BRAF: variants seen among roughly 807,000 people sequenced by gnomAD.
The protein encoded by BRAF is serine/threonine-protein kinase B-raf.
In BRAF, 16 loss-of-function variants were observed where a neutral mutation model predicts 104.6. The observed-to-expected ratio is 0.15, with a 90% CI of 0.10 to 0.23. The LOEUF (loss-of-function observed/expected upper bound fraction) is 0.23. BRAF is among the 10% of genes least tolerant of loss of function. BRAF has a pLI of 1.00. For synonymous variants in BRAF, 310 were observed against 341.6 expected (o/e 0.91, Z 1.02); for missense variants, 541 against 937.3 (o/e 0.58, Z 5.52).
intron 2 of BRAF, among the ~76,000 whole-genome samples, chr7:140,849,799 G>A (rs374854388): frequency 6.6e-6 from 1 of 151,538 alleles, no homozygotes; most frequent in African/African-American, 2.4e-5. Context: ...GCGACAGAGC[G>A]AGACTCCGTC....
chr7:140,747,330 A>G, intron 17 of BRAF: 2 of 1,134,470 alleles, frequency 1.8e-6, no homozygotes, highest in Non-Finnish European at 2.3e-6. Flanking sequence ...GGTTCTAACT[A>G]TACTATTAGA....
At chr7:140,867,208 A>T (rs572844570) in intron 1 of BRAF, among the ~76,000 whole-genome samples, 1,836 of 152,244 alleles carry the variant, frequency 0.012, 34 homozygotes, top group African/African-American at 0.041. Context: ...GTTAAAAAAA[A>T]CTTGGCCCAA....
chr7:140,719,657 T>C lies in BRAF; in HGVS notation c.*6837A>G, dbSNP rs1327338209. 1 of 1,061,902 alleles carries C rather than the reference T, an allele frequency of 9.4e-7. No homozygotes were observed. The highest frequency in any genetic ancestry group is 4.6e-5 in the South Asian group (1 of 21,914). The allele number at this position is 1,061,902 out of a possible 1,614,324, so 65.8% of individuals were successfully genotyped here. A position where few individuals can be genotyped will look rare whatever the true frequency, so the allele number is the denominator to read the frequency against. On this transcript the variant is annotated 3_prime_UTR_variant, in exon 20 of 20. Transcript: ENST00000644969. ...AAAAGATTCAAGCAAACATTGAGAATAGGGGAAAAGAGGGAGACATCATCC... is the reference window on the plus strand; with the variant it reads ...AAAAGATTCAAGCAAACATTGAGAACAGGGGAAAAGAGGGAGACATCATCC...
At chr7:140,917,145 C>T (rs1817717037) in intron 1 of BRAF, among the ~76,000 whole-genome samples, 1 of 152,210 alleles carries the variant, frequency 6.6e-6, no homozygotes, top group African/African-American at 2.4e-5. Context: ...ACTACAACCT[C>T]CCTCTCCCGG....
chr7:140,806,972 C>A (rs1383995321), intron 5 of BRAF, among the ~76,000 whole-genome samples: 1 of 152,090 alleles, frequency 6.6e-6, no homozygotes, highest in Non-Finnish European at 1.5e-5. Context: ...AATTATCCAC[C>A]TAGAAAAAAC....
At position 140,781,625 on chromosome 7, in the gene BRAF, T is replaced by C. The variant is rs56216404; in HGVS notation, c.1503A>G (p.Gln501=). 1,206 of 1,614,110 alleles carry C rather than the reference T, an allele frequency of 7.5e-4. 12 individuals are homozygous for C. In the African/African-American group the frequency reaches 0.013, roughly 18 times the overall value. The stretch of plus-strand genomic sequence containing the variant: ...TTCCAAATGATCCAGATCCAATTCT[T>C]TGTCCCACTGTAATCTGCCCATCAG... ...EIPDGQITVG[Q]RIGSGSFGTV... Residue 501 remains glutamine (Q), a synonymous_variant, in exon 12 of 20, where the codon CAA becomes CAG. Coordinates refer to ENST00000644969, the MANE Select transcript of BRAF (RefSeq NM_001374258.1).
chr7:140,760,653 C>T (rs879553848), intron 14 of BRAF, among the ~76,000 whole-genome samples: 10 of 151,338 alleles, frequency 6.6e-5, no homozygotes, highest in African/African-American at 9.7e-5. Context: ...AAAATTTAGA[C>T]GAATGTATAA....
At chr7:140,737,062 T>A (rs973668185) in intron 18 of BRAF, among the ~76,000 whole-genome samples, 39 of 151,750 alleles carry the variant, frequency 2.6e-4, no homozygotes, top group African/African-American at 8.7e-4. Flanking sequence ...AAAAAAAAAA[T>A]GAGGTATCAT....
chr7:140,763,729 C>G (rs1438456077), intron 14 of BRAF, among the ~76,000 whole-genome samples: 5 of 152,200 alleles, frequency 3.3e-5, no homozygotes. Flanking sequence ...CACATACACT[C>G]TCCCAAGACT....
intron 7 of BRAF, among the ~76,000 whole-genome samples, chr7:140,796,834 T>A (rs1223898357): frequency 2.6e-5 from 4 of 152,184 alleles, no homozygotes; most frequent in Non-Finnish European, 4.4e-5. Flanking sequence ...TGATTTCCCA[T>A]AAATCTCTTA....
intron 3 of BRAF, among the ~76,000 whole-genome samples, chr7:140,828,363 C>T (rs1806310438): frequency 6.6e-6 from 1 of 152,134 alleles, no homozygotes; most frequent in Non-Finnish European, 1.5e-5. Context: ...AACATATCAG[C>T]TCCTATGCTT....
chr7:140,795,127 T>C (rs1198267819), intron 7 of BRAF, among the ~76,000 whole-genome samples: 1 of 152,198 alleles, frequency 6.6e-6, no homozygotes, highest in African/African-American at 2.4e-5. Flanking sequence ...AAACTGCTAT[T>C]TGGAAAACCA....
In BRAF at chr7:140,832,729, T is replaced by C. The variant is rs75522565; in HGVS notation, c.504+1880A>G. Among the ~76,000 whole-genome samples the C allele has an allele frequency of 1.8e-4, 28 of 152,344 alleles. No individual in the cohort carries two copies. In the East Asian group the frequency reaches 3.9e-3, roughly 21 times the overall value. On this transcript the variant is annotated intron_variant, in intron 3 of 19. Transcript: ENST00000644969. ...GGATAATTAAGGTAAGCCTAGTCAA[T>C]TGCCTAATAGTTATTCATTTATCAT... is the stretch of plus-strand genomic sequence containing the variant.
At chr7:140,837,484 G>C (rs1807469377) in intron 2 of BRAF, among the ~76,000 whole-genome samples, 1 of 152,128 alleles carries the variant, frequency 6.6e-6, no homozygotes, top group Admixed American at 6.5e-5. Context: ...CAATGCCATT[G>C]GTGATATCTT....
intron 1 of BRAF, among the ~76,000 whole-genome samples, chr7:140,876,176 T>A (rs368483890): frequency 6.6e-6 from 1 of 152,160 alleles, no homozygotes; most frequent in Non-Finnish European, 1.5e-5. Context: ...GGAGAGAAGA[T>A]AAAGAGACCT....
At chr7:140,916,000 A>AC (rs1586647639) in intron 1 of BRAF, among the ~76,000 whole-genome samples, 1 of 152,120 alleles carries the variant, frequency 6.6e-6, no homozygotes, top group East Asian at 1.9e-4. Context: ...AAACAAACAA[A>AC]AAAAACCCAA....
Position 140,777,199 on chromosome 7 carries a change from T to C in BRAF, c.1638-111A>G, listed in dbSNP as rs1415894621. ...AAAATGTTGTCAGAAAAAGCTTTTT[T>C]TTTTTTAAAAAAGGCAACAAAAGGA... On this transcript the variant is annotated intron_variant, in intron 13 of 19. Transcript: ENST00000644969. The C allele has an allele frequency of 2.0e-5, 24 of 1,175,510 alleles. No homozygotes were observed. The East Asian group carries it at 2.5e-4, about 12-fold the overall frequency. 72.8% of individuals were successfully genotyped at this position (1,175,510 alleles called of 1,614,324 possible). A position where few individuals can be genotyped will look rare whatever the true frequency, so the allele number is the denominator to read the frequency against.
At chr7:140,856,545 T>C (rs1352519483) in intron 1 of BRAF, among the ~76,000 whole-genome samples, 1 of 152,108 alleles carries the variant, frequency 6.6e-6, no homozygotes, top group Admixed American at 6.5e-5. Flanking sequence ...ATGAGGAAAC[T>C]ATAAAGACAT....
chr7:140,911,723 A>G (rs1036967325), intron 1 of BRAF, among the ~76,000 whole-genome samples: 2 of 152,238 alleles, frequency 1.3e-5, no homozygotes, highest in African/African-American at 4.8e-5. Context: ...TAGAAAAACC[A>G]GTAAGTATTT....
Sources: gnomAD v4.1 joint callset for allele counts (sites outside exome capture counted in the v4.1 genomes callset) on GRCh38, gnomAD v4.1.1 for gene constraint, MANE v1.5 for transcripts, NCBI Gene and HGNC (gene_info 2026-07-23, HGNC 2026-07-21) for gene names.